The following ST3GAL1 variants were observed in gnomAD, a reference collection of about 807,000 sequenced individuals.
ST3GAL1 encodes the protein ST3 beta-galactoside alpha-2,3-sialyltransferase 1.
ST3GAL1 carries 16 observed loss-of-function variants against 34.1 expected under a neutral mutation model. The ratio of observed to expected loss-of-function variants is 0.47; its 90% CI spans 0.32 to 0.71. ST3GAL1 has a LOEUF of 0.71. ST3GAL1 is among the 30% of genes least tolerant of loss of function. The probability of loss-of-function intolerance (pLI) is 0.04; values close to 1 mark genes in which losing one functional copy is unlikely to be tolerated. For synonymous variants in ST3GAL1, 191 were observed against 184.7 expected, an observed-to-expected ratio of 1.03 and a Z score of -0.28; for missense variants, 353 against 447.4, an observed-to-expected ratio of 0.79 and a Z score of 1.90.
chr8:133,541,665 T>C (rs1173941111), intron 2 of ST3GAL1, among the ~76,000 whole-genome samples: 1 of 152,184 alleles, frequency 6.6e-6, no homozygotes, highest in African/African-American at 2.4e-5. Context: ...GTTTCTGTCC[T>C]GAGAGAGGTT....
intron 1 of ST3GAL1, among the ~76,000 whole-genome samples, chr8:133,565,219 A>C (rs1586674584): frequency 6.9e-6 from 1 of 144,046 alleles, no homozygotes. Flanking sequence ...CTCCTAATCC[A>C]CCTCCACCTT....
intron 5 of ST3GAL1, among the ~76,000 whole-genome samples, chr8:133,471,197 G>A (rs1470006454): frequency 6.6e-6 from 1 of 152,180 alleles, no homozygotes. Context: ...CCAAGCAGCA[G>A]ACACAAGCAT....
chr8:133,494,910 A>ATT (rs1816895754), intron 3 of ST3GAL1, among the ~76,000 whole-genome samples: 1 of 108,112 alleles, frequency 9.2e-6, no homozygotes, highest in African/African-American at 3.6e-5. Flanking sequence ...TTTTTCCTCT[A>ATT]TTCTTTTTTT....
In ST3GAL1 at chr8:133,467,194, T is replaced by C. The variant is rs1041706535; in HGVS notation, c.307-1104A>G. ...CTAAATATTACTTATTTGCCCAGGT[T>C]AAGGGGTTTCCCTAGATGCAGGACT... On this transcript the variant is annotated intron_variant, in intron 5 of 9. Transcript: ENST00000522652. This position sits in a 1 kb window ranked among gnomAD's most constrained non-coding sequence, Gnocchi z 4.2. Among the ~76,000 whole-genome samples the C allele has an allele frequency of 6.6e-6, 1 of 152,104 alleles. No individual in the cohort carries two copies. Among genetic ancestry groups the C allele is most frequent in the Non-Finnish European group, 1.5e-5 (1 of 68,016 alleles).
chr8:133,512,076 A>G (rs1817513027), intron 2 of ST3GAL1, among the ~76,000 whole-genome samples: 1 of 152,108 alleles, frequency 6.6e-6, no homozygotes, highest in South Asian at 2.1e-4. Context: ...CAAAAATATT[A>G]AGAAGAATTG....
chr8:133,515,314 G>A (rs1006890163), intron 2 of ST3GAL1, among the ~76,000 whole-genome samples: 2 of 152,208 alleles, frequency 1.3e-5, no homozygotes, highest in African/African-American at 4.8e-5. Context: ...GTCAGCTCCT[G>A]ATATAGTCTG....
At chr8:133,548,904 T>C (rs1296041353) in intron 1 of ST3GAL1, among the ~76,000 whole-genome samples, 1 of 152,196 alleles carries the variant, frequency 6.6e-6, no homozygotes, top group East Asian at 1.9e-4. Context: ...AGTGAATCCA[T>C]GAATAAATGG....
chr8:133,473,682 T>C (rs1816051634), intron 5 of ST3GAL1, among the ~76,000 whole-genome samples: 1 of 152,234 alleles, frequency 6.6e-6, no homozygotes, highest in African/African-American at 2.4e-5. Flanking sequence ...TGTGCATGCA[T>C]GTGCACCCAC....
At chr8:133,536,259 T>C (rs1223247901) in intron 2 of ST3GAL1, among the ~76,000 whole-genome samples, 1 of 152,148 alleles carries the variant, frequency 6.6e-6, no homozygotes, top group Non-Finnish European at 1.5e-5. Flanking sequence ...GTGAGCCTTG[T>C]CCTTTCTGCA....
intron 1 of ST3GAL1, among the ~76,000 whole-genome samples, chr8:133,569,143 C>G (rs6983310): frequency 0.15 from 22,358 of 152,170 alleles, 5,158 homozygotes; most frequent in African/African-American, 0.49. Context: ...GCCTCCCAGC[C>G]AGGGAGGTAG....
intron 3 of ST3GAL1, among the ~76,000 whole-genome samples, chr8:133,497,665 G>T (rs953477909): frequency 6.6e-6 from 1 of 151,756 alleles, no homozygotes; most frequent in African/African-American, 2.4e-5. Flanking sequence ...TAGAGATAGG[G>T]TTTCACCATG....
chr8:133,491,047 T>C (rs756157542), intron 3 of ST3GAL1, among the ~76,000 whole-genome samples: 1 of 152,096 alleles, frequency 6.6e-6, no homozygotes, highest in Non-Finnish European at 1.5e-5. Context: ...GCCTCCTGCT[T>C]GTTCCTTTGC....
At chr8:133,470,475 G>T (rs962704105) in intron 5 of ST3GAL1, among the ~76,000 whole-genome samples, 1 of 152,138 alleles carries the variant, frequency 6.6e-6, no homozygotes, top group Admixed American at 6.5e-5. Context: ...AGAGTGTTTG[G>T]AAGTTCAGGG....
intron 2 of ST3GAL1, among the ~76,000 whole-genome samples, chr8:133,541,074 TATATAGACATATATATATAAAC>T (rs1217348376): frequency 2.7e-5 from 3 of 110,368 alleles, no homozygotes; most frequent in African/African-American, 1.1e-4. Flanking sequence ...TATAGACATA[TATATAGACATATATATATAAAC>T]ATATATATAT....
At chr8:133,514,700 A>G (rs1817593223) in intron 2 of ST3GAL1, among the ~76,000 whole-genome samples, 1 of 152,144 alleles carries the variant, frequency 6.6e-6, no homozygotes, top group South Asian at 2.1e-4. Context: ...TGAGCAAATG[A>G]GCAAGGCTAC....
At chr8:133,522,868 C>T (rs1252786168) in intron 2 of ST3GAL1, among the ~76,000 whole-genome samples, 1 of 152,152 alleles carries the variant, frequency 6.6e-6, no homozygotes, top group Non-Finnish European at 1.5e-5. Flanking sequence ...AACACCCTCA[C>T]CAGGCGAGGG....
chr8:133,460,056 C>G (rs1351471483), intron 9 of ST3GAL1, 119 bp from the exon 10 acceptor site: 9 of 1,071,372 alleles, frequency 8.4e-6, no homozygotes, highest in African/African-American at 1.6e-5. Flanking sequence ...TTTCCAAGGA[C>G]TCTGACTAAC....
Position 133,467,303 on chromosome 8 carries a change from G to T in ST3GAL1, c.307-1213C>A, listed in dbSNP as rs1011174798. Among the ~76,000 whole-genome samples the T allele has an allele frequency of 6.6e-6, 1 of 152,102 alleles. No individual in the cohort carries two copies. On this transcript the variant is annotated intron_variant, in intron 5 of 9. Coordinates refer to ENST00000522652, the MANE Select transcript of ST3GAL1 (RefSeq NM_173344.3). This position sits in a 1 kb window ranked among gnomAD's most constrained non-coding sequence, Gnocchi z 4.2. ...TGGCCCCCGCTGCATGCCCAGGCCCGCCCGTCACCTCAGGTGGAGCTCTGG... is the reference window on the plus strand; with the variant it reads ...TGGCCCCCGCTGCATGCCCAGGCCCTCCCGTCACCTCAGGTGGAGCTCTGG...
intron 3 of ST3GAL1, among the ~76,000 whole-genome samples, chr8:133,492,979 G>A (rs183038218): frequency 2.1e-4 from 32 of 152,266 alleles, no homozygotes; most frequent in Admixed American, 5.2e-4. Flanking sequence ...ACTGAGCTAC[G>A]CCGAATGACC....
Sources: gnomAD v4.1 joint callset for allele counts (sites outside exome capture counted in the v4.1 genomes callset) on GRCh38, gnomAD v4.1.1 for gene constraint, Gnocchi (gnomAD v3.1) non-coding constraint, MANE v1.5 for transcripts, NCBI Gene and HGNC (gene_info 2026-07-23, HGNC 2026-07-21) for gene names.